TBC1D32: variants seen among roughly 807,000 people sequenced by gnomAD.
TBC1D32 encodes protein broad-minded.
TBC1D32 carries 151 observed loss-of-function variants against 170.3 expected under a neutral mutation model. The ratio of observed to expected loss-of-function variants is 0.89; its 90% CI spans 0.78 to 1.01. TBC1D32 has a LOEUF of 1.01. Among genes scored for constraint, TBC1D32 ranks in the 50% least tolerant of loss-of-function variants. TBC1D32 has a pLI of 0.00. For synonymous variants in TBC1D32, 498 were observed against 488.0 expected (o/e 1.02, Z -0.27); for missense variants, 1,464 against 1,457.1 (o/e 1.00, Z -0.08).
intron 24 of TBC1D32, among the ~76,000 whole-genome samples, chr6:121,150,074 G>A (rs1784015853): frequency 1.3e-5 from 2 of 152,136 alleles, no homozygotes; most frequent in South Asian, 2.1e-4. Context: ...GTGAGAGAGG[G>A]CATCCTTATC....
At chr6:121,227,263 G>A (rs1795190271) in intron 20 of TBC1D32, among the ~76,000 whole-genome samples, 1 of 152,114 alleles carries the variant, frequency 6.6e-6, no homozygotes, top group African/African-American at 2.4e-5. Flanking sequence ...TGTTTGTGCT[G>A]GTGGAGTGAG....
At chr6:121,313,642 G>A (rs571499796) in intron 3 of TBC1D32, among the ~76,000 whole-genome samples, 77 of 152,088 alleles carry the variant, frequency 5.1e-4, no homozygotes, top group Middle Eastern at 3.4e-3. Context: ...GTGAAATTCT[G>A]CAGAGATTTT....
intron 9 of TBC1D32, among the ~76,000 whole-genome samples, chr6:121,301,045 T>C (rs1171417821): frequency 6.6e-6 from 1 of 151,036 alleles, no homozygotes; most frequent in Non-Finnish European, 1.5e-5. Context: ...AAACAACGGA[T>C]GCTGGAGAGG....
chr6:121,151,691 T>G (rs1784233484), intron 24 of TBC1D32, among the ~76,000 whole-genome samples: 1 of 152,210 alleles, frequency 6.6e-6, no homozygotes, highest in Non-Finnish European at 1.5e-5. Flanking sequence ...GCTCTTGTAT[T>G]GGGTGCACAT....
intron 14 of TBC1D32, among the ~76,000 whole-genome samples, chr6:121,280,775 C>G (rs530584193): frequency 4.5e-4 from 69 of 151,764 alleles, no homozygotes; most frequent in Non-Finnish European, 8.7e-4. Context: ...ACCTAGCAAG[C>G]AACAAGCAGA....
chr6:121,196,144 G>A (rs1277861290), intron 22 of TBC1D32, among the ~76,000 whole-genome samples: 1 of 152,186 alleles, frequency 6.6e-6, no homozygotes, highest in African/African-American at 2.4e-5. Flanking sequence ...AAGTGGATAG[G>A]ATGACCCGTT....
chr6:121,242,072 A>C (rs1797054470), intron 18 of TBC1D32, 129 bp downstream of exon 18: 1 of 913,776 alleles, frequency 1.1e-6, no homozygotes, highest in Admixed American at 3.2e-5. Flanking sequence ...CAAGTTGACT[A>C]TTACAATGCT....
At chr6:121,278,976 T>C (rs1802626394) in intron 15 of TBC1D32, 145 bp downstream of exon 15, 4 of 821,920 alleles carry the variant, frequency 4.9e-6, no homozygotes, top group East Asian at 6.3e-5. Flanking sequence ...TATTTTGAAA[T>C]TACAGACGTC....
intron 24 of TBC1D32, among the ~76,000 whole-genome samples, chr6:121,135,031 T>C (rs539853845): frequency 4.8e-4 from 73 of 152,234 alleles, no homozygotes; most frequent in African/African-American, 1.7e-3. Context: ...AAGTGCAGCC[T>C]ACAAGTAGGC....
intron 24 of TBC1D32, among the ~76,000 whole-genome samples, chr6:121,141,088 A>C (rs762655667): frequency 2.0e-5 from 3 of 152,184 alleles, no homozygotes; most frequent in Non-Finnish European, 2.9e-5. Flanking sequence ...GGCAAACAGC[A>C]TCTTTGCTTC....
At chr6:121,179,435 C>A (rs145740528) in intron 22 of TBC1D32, among the ~76,000 whole-genome samples, 1 of 150,616 alleles carries the variant, frequency 6.6e-6, no homozygotes, top group Admixed American at 6.6e-5. Context: ...GAAGAAGAGA[C>A]CCCATTAACA....
chr6:121,131,624 T>TA lies in TBC1D32; in HGVS notation c.2899+2dup, dbSNP rs1285290522. On this transcript the variant is annotated splice_region_variant and intron_variant, in intron 25 of 31. Transcript: ENST00000398212. ...AAACCCACAATGGAAACAATGTACTTACCCTCTCCACTGATTATATCAGGT... is the reference window on the plus strand; with the variant it reads ...AAACCCACAATGGAAACAATGTACTTAACCCTCTCCACTGATTATATCAGGT... The TA allele has an allele frequency of 6.2e-7, 1 of 1,608,888 alleles. No homozygotes were observed. The highest frequency in any genetic ancestry group is 1.3e-5 in the African/African-American group (1 of 74,908).
rs1785531194 is a variant in TBC1D32 at position 121,160,827 on chromosome 6, A to G, written c.2679+121T>C. On this transcript the variant is annotated intron_variant, in intron 23 of 31. Coordinates refer to ENST00000398212, the MANE Select transcript of TBC1D32 (RefSeq NM_152730.6). ...TTTGCATCCTAAATATTCTCAAGTA[A>G]TAAGTTCAACTCTGTGATGTAGACA... 1.4e-5 allele frequency: 10 copies of G among 730,352 alleles called. No individual in the cohort carries two copies. In the Admixed American group the frequency reaches 1.8e-4, roughly 13 times the overall value. 45.2% of individuals were successfully genotyped at this position (730,352 alleles called of 1,614,324 possible). A position where few individuals can be genotyped will look rare whatever the true frequency, so the allele number is the denominator to read the frequency against.
chr6:121,334,480 CCGCGCACTGCGCA>C (rs1407905449), upstream of TBC1D32: 11 of 1,561,522 alleles, frequency 7.0e-6, no homozygotes, highest in African/African-American at 2.7e-5. Flanking sequence ...CGAGCAAAAG[CCGCGCACTGCGCA>C]CGCGCACGCG....
At chr6:121,273,983 C>T (rs1223508649) in intron 15 of TBC1D32, among the ~76,000 whole-genome samples, 2 of 152,032 alleles carry the variant, frequency 1.3e-5, no homozygotes, top group East Asian at 3.9e-4. Flanking sequence ...GAGGAGGCTG[C>T]TTGATTCACA....
At chr6:121,102,869 C>T (rs1778275568) in intron 30 of TBC1D32, among the ~76,000 whole-genome samples, 1 of 152,132 alleles carries the variant, frequency 6.6e-6, no homozygotes. Flanking sequence ...CCAGAATCTA[C>T]AAAGAACTCA....
intron 13 of TBC1D32, among the ~76,000 whole-genome samples, chr6:121,282,765 A>C (rs931496571): frequency 5.3e-5 from 8 of 151,918 alleles, no homozygotes; most frequent in African/African-American, 1.9e-4. Flanking sequence ...ATCATGGTAA[A>C]CCAATATATA....
intron 17 of TBC1D32, among the ~76,000 whole-genome samples, 176 bp downstream of exon 17, chr6:121,255,152 G>T (rs1798795505): frequency 6.6e-6 from 1 of 151,792 alleles, no homozygotes; most frequent in Admixed American, 6.6e-5. Context: ...ATTTTAAAAA[G>T]GTTATGAGTA....
chr6:121,185,792 C>T (rs1220952642), intron 22 of TBC1D32, among the ~76,000 whole-genome samples: 1 of 151,884 alleles, frequency 6.6e-6, no homozygotes, highest in African/African-American at 2.4e-5. Flanking sequence ...ACTAGTTTAA[C>T]AATAAAAAAA....
Sources: gnomAD v4.1 joint callset for allele counts (sites outside exome capture counted in the v4.1 genomes callset) on GRCh38, gnomAD v4.1.1 for gene constraint, MANE v1.5 for transcripts, NCBI Gene and HGNC (gene_info 2026-07-23, HGNC 2026-07-21) for gene names.